The following NDE1 variants were observed in gnomAD, a reference collection of about 807,000 sequenced individuals.
The protein encoded by NDE1 is nuclear distribution protein nudE homolog 1.
Under a neutral mutation model 43.4 loss-of-function variants are expected in NDE1, and 28 were observed. The observed-to-expected ratio is 0.65, with a 90% CI of 0.48 to 0.89. The LOEUF (loss-of-function observed/expected upper bound fraction) is 0.89. Ranked by LOEUF, NDE1 falls within the 40% of genes least tolerant of loss-of-function variation. The pLI is 0.00. For missense variants in NDE1, 441 were observed against 434.1 expected (o/e 1.02, Z -0.14); for synonymous variants, 184 against 172.0 (o/e 1.07, Z -0.55).
intron 8 of NDE1, among the ~76,000 whole-genome samples, chr16:15,708,593 G>C (rs2039596655): frequency 6.6e-6 from 1 of 152,202 alleles, no homozygotes. Flanking sequence ...GAGGCAGGAA[G>C]GACAGTGGGT....
At chr16:15,708,130 T>C (rs530468874) in intron 8 of NDE1, among the ~76,000 whole-genome samples, 1 of 152,224 alleles carries the variant, frequency 6.6e-6, no homozygotes, top group South Asian at 2.1e-4. Flanking sequence ...TGTGCTTGGC[T>C]TTGCGGTGGT....
At chr16:15,659,374 C>T (rs1325872317) in intron 1 of NDE1, among the ~76,000 whole-genome samples, 1 of 148,218 alleles carries the variant, frequency 6.7e-6, no homozygotes, top group Non-Finnish European at 1.5e-5. Context: ...CCCAGGGATA[C>T]ACACCAGCCT....
rs768793260 is a variant in NDE1, at chr16:15,699,879, G to A, written c.947+3019G>A. 1.2e-5 allele frequency: 15 copies of A among 1,304,132 alleles called. No homozygotes were observed. The East Asian group carries it at 3.4e-4, about 30-fold the overall frequency. The allele number at this position is 1,304,132 out of a possible 1,614,324, so 80.8% of individuals were successfully genotyped here. ...GGTGCGGAAGTCGTTACCTTTTGTC[G>A]TCTTTTTACACTAGGTTTTTGTTTT... On this transcript the variant is annotated intron_variant, in intron 8 of 8. Coordinates refer to ENST00000396354, the MANE Select transcript of NDE1 (RefSeq NM_017668.3).
At chr16:15,653,185 C>A (rs2036588470) in intron 1 of NDE1, among the ~76,000 whole-genome samples, 1 of 152,178 alleles carries the variant, frequency 6.6e-6, no homozygotes, top group South Asian at 2.1e-4. Flanking sequence ...TTAGTACTTA[C>A]AGTTCTTAAC....
At chr16:15,650,444 T>A (rs1017292661) in intron 1 of NDE1, 150 bp downstream of exon 1, 13 of 157,836 alleles carry the variant, frequency 8.2e-5, no homozygotes, top group African/African-American at 3.1e-4. Context: ...GCGCGTCGCT[T>A]CCCGGCCGCC....
At chr16:15,716,504 T>C (rs1470715294) in intron 8 of NDE1, among the ~76,000 whole-genome samples, 1 of 152,014 alleles carries the variant, frequency 6.6e-6, no homozygotes, top group Non-Finnish European at 1.5e-5. Flanking sequence ...GTTGGACTTT[T>C]GTTTTTTGGG....
chr16:15,669,805 A>G (rs938373142), intron 3 of NDE1, among the ~76,000 whole-genome samples: 3 of 152,140 alleles, frequency 2.0e-5, no homozygotes, highest in Non-Finnish European at 4.4e-5. Flanking sequence ...ACACTGTGGG[A>G]TGTTTGGCAG....
chr16:15,649,317 A>C (rs140245903), upstream of NDE1: 3 of 152,198 alleles, frequency 2.0e-5, no homozygotes, highest in East Asian at 3.9e-4. Flanking sequence ...CCTCTGCATA[A>C]TGTCGTTTGT....
chr16:15,702,072 G>A (rs1314498329), intron 8 of NDE1: 1 of 152,110 alleles, frequency 6.6e-6, no homozygotes, highest in Admixed American at 6.6e-5. Flanking sequence ...AAATGTATCC[G>A]GGATGTGTTT....
chr16:15,712,047 G>T (rs541132785), intron 8 of NDE1, among the ~76,000 whole-genome samples: 4 of 152,252 alleles, frequency 2.6e-5, no homozygotes, highest in South Asian at 4.1e-4. Flanking sequence ...GGGATGTGGG[G>T]TATAAAGGAG....
At chr16:15,707,247 G>T (rs143562575) in intron 8 of NDE1, among the ~76,000 whole-genome samples, 3,853 of 152,246 alleles carry the variant, frequency 0.025, 73 homozygotes, top group Non-Finnish European at 0.041. Flanking sequence ...ATGTTGGCCA[G>T]GCTGGTCCTG....
At chr16:15,668,918 G>C (rs2037450482) in intron 3 of NDE1, among the ~76,000 whole-genome samples, 1 of 152,162 alleles carries the variant, frequency 6.6e-6, no homozygotes, top group African/African-American at 2.4e-5. Flanking sequence ...TTGTATTTTT[G>C]AGATGGAGTC....
intron 4 of NDE1, 125 bp from the exon 5 acceptor site, chr16:15,687,250 T>C (rs762064184): frequency 1.9e-6 from 3 of 1,582,978 alleles, no homozygotes; most frequent in African/African-American, 1.3e-5. Flanking sequence ...CTCTGTGGCA[T>C]CTAGGAAGTT....
rs781282181 is a variant in NDE1, at chr16:15,721,674, G to C, written c.948-2517G>C. On this transcript the variant is annotated intron_variant, in intron 8 of 8. Transcript: ENST00000396354. ...CCAGAGGTGACTTCTAGGCATATCC[G>C]GGGTCAGCGTCACTGAATTGTAAAT... The C allele has an allele frequency of 5.0e-5, 81 of 1,605,364 alleles. 2 individuals carry two copies. In the Admixed American group the frequency reaches 1.3e-3, roughly 26 times the overall value.
At chr16:15,657,866 G>T (rs2036849130) in intron 1 of NDE1, among the ~76,000 whole-genome samples, 2 of 151,614 alleles carry the variant, frequency 1.3e-5, no homozygotes, top group Admixed American at 1.3e-4. Flanking sequence ...CCTCACAAAG[G>T]GCTGGGATTA....
At position 15,725,284 on chromosome 16, in the gene NDE1, C is replaced by G; in HGVS notation, c.*1033C>G. 1.7e-6 allele frequency: 1 copy of G among 581,106 alleles called. No individual in the cohort carries two copies. The highest frequency in any genetic ancestry group is 2.1e-5 in the South Asian group (1 of 47,894). 36.0% of individuals were successfully genotyped at this position (581,106 alleles called of 1,614,324 possible). On this transcript the variant is annotated 3_prime_UTR_variant, in exon 9 of 9. Transcript: ENST00000396354. ...CAATGGTATTGACTGGGACCTGATC[C>G]CACTAAATGGATCCTAGATCCCTGC...
At chr16:15,719,162 T>A in intron 8 of NDE1, 1 of 1,513,032 alleles carries the variant, frequency 6.6e-7, no homozygotes, top group Non-Finnish European at 9.2e-7. Context: ...GGGTCGAGGA[T>A]GCTGCCTGTC....
intron 8 of NDE1, chr16:15,721,349 G>A (rs777552699): frequency 8.0e-6 from 12 of 1,505,594 alleles, no homozygotes; most frequent in South Asian, 3.4e-5. Flanking sequence ...AGCTAGCCTC[G>A]CATGGACTGG....
At chr16:15,691,384 T>TG in intron 6 of NDE1, 61 bp downstream of exon 6, 1 of 1,564,306 alleles carries the variant, frequency 6.4e-7, no homozygotes, top group Non-Finnish European at 8.7e-7. Flanking sequence ...GGTAAGAATC[T>TG]GGGGTGGGTC....
Sources: allele counts gnomAD v4.1 joint callset (sites outside exome capture counted in the v4.1 genomes callset), GRCh38; gene constraint gnomAD v4.1.1; transcripts MANE v1.5; gene names NCBI Gene and HGNC (gene_info 2026-07-23, HGNC 2026-07-21).